TMC2: variants seen among roughly 807,000 people sequenced by gnomAD.
The protein encoded by TMC2 is transmembrane channel like 2.
Under a neutral mutation model 105.9 loss-of-function variants are expected in TMC2, and 102 were observed. That is an observed-to-expected ratio of 0.96 (90% CI 0.82 to 1.14). The LOEUF (loss-of-function observed/expected upper bound fraction) is 1.14. TMC2 is among the 50% of genes most tolerant of loss of function. The pLI is 0.00. For missense variants in TMC2, 1,093 were observed against 1,134.3 expected, an observed-to-expected ratio of 0.96 and a Z score of 0.52; for synonymous variants, 402 against 422.8, an observed-to-expected ratio of 0.95 and a Z score of 0.60.
intron 2 of TMC2, among the ~76,000 whole-genome samples, chr20:2,539,796 C>A (rs2085876676): frequency 6.6e-6 from 1 of 152,124 alleles, no homozygotes; most frequent in African/African-American, 2.4e-5. Context: ...TAGCTTCCTA[C>A]CCTGGATAAA....
chr20:2,574,538 A>T (rs2086129335), intron 5 of TMC2, among the ~76,000 whole-genome samples: 1 of 152,178 alleles, frequency 6.6e-6, no homozygotes, highest in Admixed American at 6.5e-5. Flanking sequence ...GAATACCTTG[A>T]AATTTTTTTC....
intron 2 of TMC2, among the ~76,000 whole-genome samples, chr20:2,555,906 C>A (rs1411554725): frequency 6.6e-6 from 1 of 152,080 alleles, no homozygotes; most frequent in Non-Finnish European, 1.5e-5. Flanking sequence ...TCATGGGTAG[C>A]GCAGGTACTT....
chr20:2,577,177 A>G (rs1284079869), intron 5 of TMC2, among the ~76,000 whole-genome samples: 4 of 151,850 alleles, frequency 2.6e-5, no homozygotes, highest in Non-Finnish European at 5.9e-5. Flanking sequence ...CAAAGTGCTG[A>G]GATTACAGGC....
At chr20:2,597,935 G>C in intron 10 of TMC2, among the ~76,000 whole-genome samples, 1 of 152,170 alleles carries the variant, frequency 6.6e-6, no homozygotes, top group Admixed American at 6.5e-5. Context: ...CTGCATACTA[G>C]AATCACCTGA....
intron 16 of TMC2, among the ~76,000 whole-genome samples, chr20:2,620,764 T>C (rs975116188): frequency 1.3e-5 from 2 of 152,186 alleles, no homozygotes; most frequent in African/African-American, 4.8e-5. Context: ...GGCAGAACTG[T>C]GAACCCACAA....
At chr20:2,612,054 T>G in intron 12 of TMC2, 137 bp from the exon 13 acceptor site, 1 of 804,460 alleles carries the variant, frequency 1.2e-6, no homozygotes, top group South Asian at 3.0e-5. Context: ...AGAAGGGAAT[T>G]TTGGAAGGAC....
At chr20:2,623,748 A>G (rs2086543984) in intron 16 of TMC2, among the ~76,000 whole-genome samples, 1 of 152,166 alleles carries the variant, frequency 6.6e-6, no homozygotes, top group African/African-American at 2.4e-5. Flanking sequence ...TATTTGAAGA[A>G]AATAAAAATT....
At chr20:2,597,446 C>T (rs1185157478) in intron 10 of TMC2, 148 bp downstream of exon 10, 2 of 757,978 alleles carry the variant, frequency 2.6e-6, no homozygotes, top group Non-Finnish European at 4.2e-6. Context: ...AGTTTTCAAA[C>T]CCTTAAGTAA....
At chr20:2,581,857 T>C (rs1276840681) in intron 7 of TMC2, among the ~76,000 whole-genome samples, 1 of 152,176 alleles carries the variant, frequency 6.6e-6, no homozygotes, top group Admixed American at 6.5e-5. Flanking sequence ...TTTTAAACAA[T>C]AAAAACTTAG....
chr20:2,568,043 G>T (rs2086076782), intron 4 of TMC2, among the ~76,000 whole-genome samples: 1 of 152,142 alleles, frequency 6.6e-6, no homozygotes, highest in East Asian at 1.9e-4. Context: ...TGGAATTCCA[G>T]AAAAAGAGGA....
At chr20:2,608,099 G>A (rs1048801042) in intron 11 of TMC2, among the ~76,000 whole-genome samples, 3 of 150,002 alleles carry the variant, frequency 2.0e-5, no homozygotes, top group African/African-American at 7.4e-5. Flanking sequence ...ACTCCAGCCT[G>A]GGTAACAAGA....
intron 7 of TMC2, among the ~76,000 whole-genome samples, chr20:2,586,595 G>C (rs896327264): frequency 6.6e-6 from 1 of 152,208 alleles, no homozygotes; most frequent in African/African-American, 2.4e-5. Flanking sequence ...AGGAGCAAGA[G>C]AGTGATTGGG....
At chr20:2,629,078 G>A (rs974850110) in intron 17 of TMC2, among the ~76,000 whole-genome samples, 3 of 151,998 alleles carry the variant, frequency 2.0e-5, no homozygotes, top group Non-Finnish European at 4.4e-5. Flanking sequence ...CTCCAGCCTG[G>A]GCGACAGAGT....
Position 2,641,423 on chromosome 20 carries a change from A to G in TMC2, c.*72A>G. The G allele has an allele frequency of 1.1e-6, 1 of 922,388 alleles. No individual in the cohort carries two copies. Among genetic ancestry groups the G allele is most frequent in the South Asian group, 1.5e-5 (1 of 68,174 alleles). 57.1% of individuals were successfully genotyped at this position (922,388 alleles called of 1,614,324 possible). A position where few individuals can be genotyped will look rare whatever the true frequency, so the allele number is the denominator to read the frequency against. On this transcript the variant is annotated 3_prime_UTR_variant, in exon 20 of 20. Transcript: ENST00000358864. ...ACCCCAGTTTCACACATACCAAACC[A>G]AGGTTCTCTCCCCTCTTTCCTCTCA...
chr20:2,594,749 T>A, intron 8 of TMC2, 76 bp from the exon 9 acceptor site: 1 of 1,476,754 alleles, frequency 6.8e-7, no homozygotes. Context: ...AAGAAATCCC[T>A]GGTAGAGTAG....
In TMC2 at chr20:2,617,306, G is replaced by A. The variant is rs141182747; in HGVS notation, c.2175G>A (p.Pro725=). The A allele has an allele frequency of 3.8e-5, 61 of 1,614,154 alleles. No individual in the cohort carries two copies. The highest frequency in any genetic ancestry group is 1.3e-4 in the African/African-American group (10 of 75,044). Residue 725 remains proline (P), a synonymous_variant, in exon 16 of 20, where the codon CCG becomes CCA. Transcript: ENST00000358864. The part of the protein sequence containing the change: ...MSLPPSFDCG[P]FSGKNRMYDV... ...TCCCACCCTCCTTTGACTGCGGGCC[G>A]TTCAGGTGCAGAGTCTCAGTTGCCC...
At chr20:2,556,955 T>G (rs1270406014) in intron 2 of TMC2, among the ~76,000 whole-genome samples, 1 of 152,184 alleles carries the variant, frequency 6.6e-6, no homozygotes, top group Non-Finnish European at 1.5e-5. Flanking sequence ...GTGTAATTCT[T>G]ATCTTTATAC....
Position 2,613,276 on chromosome 20 carries a change from T to A in TMC2, c.1826T>A (p.Val609Glu). The change falls in exon 14 of 20, where the codon GTG becomes GAG. Residue 609 changes from valine to glutamate, a missense_variant. Physicochemically the swap from Val to Glu is moderately radical, Grantham distance 121. Transcript: ENST00000358864. Reference protein sequence around the residue: ...LLGDFLRACFVRFMNYCWCWD... With the variant: ...LLGDFLRACFERFMNYCWCWD... ...GGGGACTTCCTACGGGCTTGTTTTG[T>A]GCGGTTCATGAACTACTGCTGGTGC... is the stretch of plus-strand genomic sequence containing the variant. 32 of 1,614,118 alleles carry A rather than the reference T, an allele frequency of 2.0e-5. No individual in the cohort carries two copies. Among genetic ancestry groups the A allele is most frequent in the Non-Finnish European group, 2.7e-5 (32 of 1,180,010 alleles).
intron 1 of TMC2, 151 bp from the exon 2 acceptor site, chr20:2,537,118 G>T: frequency 2.9e-6 from 2 of 684,446 alleles, no homozygotes; most frequent in East Asian, 2.7e-5. Context: ...ACAGGCAGGG[G>T]ACTCTATAAT....
Sources: allele counts gnomAD v4.1 joint callset (sites outside exome capture counted in the v4.1 genomes callset), GRCh38; gene constraint gnomAD v4.1.1; transcripts MANE v1.5; gene names NCBI Gene and HGNC (gene_info 2026-07-23, HGNC 2026-07-21).